ABCD2: variants seen among roughly 807,000 people sequenced by gnomAD.
The protein encoded by ABCD2 is ATP-binding cassette sub-family D member 2.
A neutral mutation model predicts 70.9 loss-of-function variants in ABCD2; 36 were observed. That is an observed-to-expected ratio of 0.51 (90% CI 0.39 to 0.67). The LOEUF (loss-of-function observed/expected upper bound fraction) is 0.67. ABCD2 is among the 30% of genes least tolerant of loss of function. The pLI, the probability that ABCD2 is intolerant of heterozygous loss-of-function variation, is 0.00. For missense variants in ABCD2, 729 were observed against 890.2 expected (o/e 0.82, Z 2.30); for synonymous variants, 304 against 306.9 (o/e 0.99, Z 0.10).
intron 7 of ABCD2, among the ~76,000 whole-genome samples, chr12:39,580,260 A>T (rs1941579165): frequency 6.6e-6 from 1 of 152,126 alleles, no homozygotes; most frequent in Non-Finnish European, 1.5e-5. Context: ...TTCTTGTGAC[A>T]TCTTGAGATG....
intron 9 of ABCD2, among the ~76,000 whole-genome samples, chr12:39,572,890 A>G (rs1295755215): frequency 1.3e-5 from 2 of 152,198 alleles, no homozygotes; most frequent in Non-Finnish European, 2.9e-5. Context: ...AAAAATTTTC[A>G]TTGATTAAAT....
At chr12:39,558,058 A>G (rs1286777260) in intron 9 of ABCD2, among the ~76,000 whole-genome samples, 4 of 152,212 alleles carry the variant, frequency 2.6e-5, no homozygotes, top group Non-Finnish European at 5.9e-5. Context: ...GCAGACACTC[A>G]ATGCCAGCCC....
At chr12:39,608,602 C>T (rs1269006851) in intron 2 of ABCD2, among the ~76,000 whole-genome samples, 2 of 152,074 alleles carry the variant, frequency 1.3e-5, no homozygotes, top group African/African-American at 4.8e-5. Context: ...GCACAAGAAT[C>T]GCTTGAACCC....
chr12:39,558,276 C>T (rs192897491), intron 9 of ABCD2, among the ~76,000 whole-genome samples: 9 of 152,316 alleles, frequency 5.9e-5, no homozygotes, highest in South Asian at 2.1e-4. Context: ...TGTATTTGCC[C>T]ATTTCATGTA....
In ABCD2 at chr12:39,581,480, T is replaced by A. The variant is rs865911649; in HGVS notation, c.1793-1861A>T. 6.6e-5 allele frequency among the ~76,000 whole-genome samples: 10 copies of A among 152,258 alleles called. No homozygotes were observed. In the Middle Eastern group the frequency reaches 0.017, roughly 259 times the overall value. On this transcript the variant is annotated intron_variant, in intron 7 of 9. Coordinates refer to ENST00000308666, the MANE Select transcript of ABCD2 (RefSeq NM_005164.4). ...ATAGGAAATAGACAAATCCTTAAAATTTTATGTTAGGAAAAATAATCTTAA... is the reference window on the plus strand; with the variant it reads ...ATAGGAAATAGACAAATCCTTAAAAATTTATGTTAGGAAAAATAATCTTAA...
chr12:39,537,747 G>T, the ABCD2 span, among the ~76,000 whole-genome samples: 1 of 152,170 alleles, frequency 6.6e-6, no homozygotes, highest in Non-Finnish European at 1.5e-5. Context: ...AGAACACCTT[G>T]ATTTACAAGG....
chr12:39,532,760 A>G, the ABCD2 span, among the ~76,000 whole-genome samples: 1 of 152,246 alleles, frequency 6.6e-6, no homozygotes, highest in Non-Finnish European at 1.5e-5. Flanking sequence ...GTTAGAAACA[A>G]ATGTTTTAAA....
intron 2 of ABCD2, among the ~76,000 whole-genome samples, chr12:39,612,013 G>C (rs1162672420): frequency 2.6e-5 from 4 of 152,128 alleles, no homozygotes; most frequent in African/African-American, 9.7e-5. Flanking sequence ...ATAGTCATTA[G>C]AGAAATGCAA....
At chr12:39,573,584 G>A (rs1941476934) in intron 9 of ABCD2, 132 bp downstream of exon 9, 15 of 896,540 alleles carry the variant, frequency 1.7e-5, no homozygotes, top group Non-Finnish European at 2.2e-5. Context: ...CTACTAATGT[G>A]CAACTTAAGA....
intron 9 of ABCD2, among the ~76,000 whole-genome samples, chr12:39,571,352 G>A (rs1008166937): frequency 2.0e-5 from 3 of 152,056 alleles, no homozygotes; most frequent in Non-Finnish European, 4.4e-5. Flanking sequence ...GATAAAGAAT[G>A]TTATATATAT....
At chr12:39,593,603 C>T (rs747149036) in intron 6 of ABCD2, among the ~76,000 whole-genome samples, 5 of 152,156 alleles carry the variant, frequency 3.3e-5, no homozygotes, top group Admixed American at 6.5e-5. Flanking sequence ...GCAAGTACTT[C>T]TTAGTGCACA....
chr12:39,554,991 T>C (rs1469185801), intron 9 of ABCD2, among the ~76,000 whole-genome samples: 1 of 152,200 alleles, frequency 6.6e-6, no homozygotes, highest in East Asian at 1.9e-4. Context: ...CATTGTTAAC[T>C]ATGATCGGTG....
chr12:39,547,663 G>A (rs532587541), downstream of ABCD2, among the ~76,000 whole-genome samples: 24 of 152,188 alleles, frequency 1.6e-4, no homozygotes, highest in South Asian at 4.6e-3. Flanking sequence ...CTAGGGGTTG[G>A]AGAAAAAGGA....
At position 39,565,473 on chromosome 12, in the gene ABCD2, C is replaced by T. The variant is rs551772595; in HGVS notation, c.2003+8243G>A. On this transcript the variant is annotated intron_variant, in intron 9 of 9. Transcript: ENST00000308666. ...AAGAATGCTTGTGATTTTTGCATATCGATTTTGTATCCTGAGACTTTGCTG... is the reference window on the plus strand; with the variant it reads ...AAGAATGCTTGTGATTTTTGCATATTGATTTTGTATCCTGAGACTTTGCTG... Among the ~76,000 whole-genome samples the T allele has an allele frequency of 8.5e-5, 13 of 152,104 alleles. No homozygotes were observed. In the South Asian group the frequency reaches 1.5e-3, roughly 17 times the overall value.
chr12:39,583,390 G>T (rs1035010663), intron 7 of ABCD2, among the ~76,000 whole-genome samples: 10 of 152,072 alleles, frequency 6.6e-5, no homozygotes, highest in African/African-American at 2.2e-4. Flanking sequence ...CTGTAAAATA[G>T]AACATAAAAT....
At chr12:39,593,412 CCAGCTACTTTTTTATTATTT>C (rs1941772668) in intron 6 of ABCD2, among the ~76,000 whole-genome samples, 1 of 152,080 alleles carries the variant, frequency 6.6e-6, no homozygotes, top group Admixed American at 6.6e-5. Context: ...ACCACCATAT[CCAGCTACTTTTTTATTATTT>C]GTATTGACGG....
At chr12:39,532,549 A>G in the ABCD2 span, among the ~76,000 whole-genome samples, 3 of 152,206 alleles carry the variant, frequency 2.0e-5, no homozygotes, top group Admixed American at 2.0e-4. Flanking sequence ...AAGATCTGGC[A>G]ATGTATATTA....
chr12:39,572,350 C>T (rs1016933888), intron 9 of ABCD2, among the ~76,000 whole-genome samples: 2 of 152,226 alleles, frequency 1.3e-5, no homozygotes, highest in East Asian at 3.9e-4. Flanking sequence ...TCTGTGTTGT[C>T]CTTGATTCAG....
the ABCD2 span, among the ~76,000 whole-genome samples, chr12:39,541,316 C>T: frequency 3.3e-5 from 5 of 152,060 alleles, no homozygotes; most frequent in East Asian, 1.9e-4. Flanking sequence ...TTTAAGAAAG[C>T]GTCCCTGTGG....
Sources: allele counts gnomAD v4.1 joint callset (sites outside exome capture counted in the v4.1 genomes callset), GRCh38; gene constraint gnomAD v4.1.1; transcripts MANE v1.5; gene names NCBI Gene and HGNC (gene_info 2026-07-23, HGNC 2026-07-21).